The following HYKK variants were observed in gnomAD, a reference collection of about 807,000 sequenced individuals.
HYKK encodes the protein 5-hydroxy-L-lysine kinase.
Under a neutral mutation model 29.7 loss-of-function variants are expected in HYKK, and 19 were observed. That is an observed-to-expected ratio of 0.64 (90% CI 0.45 to 0.94). The LOEUF (loss-of-function observed/expected upper bound fraction) is 0.94, where lower values mean the gene tolerates loss of function less well. HYKK is among the 40% of genes least tolerant of loss of function. The probability of loss-of-function intolerance (pLI) is 0.00; values close to 1 mark genes in which losing one functional copy is unlikely to be tolerated. For missense variants in HYKK, 390 were observed against 443.4 expected, an observed-to-expected ratio of 0.88 and a Z score of 1.08; for synonymous variants, 152 against 158.1, an observed-to-expected ratio of 0.96 and a Z score of 0.29.
rs185517849 is a variant in HYKK at position 78,523,029 on chromosome 15, G to C, written c.478-4351G>C. 5.9e-5 allele frequency among the ~76,000 whole-genome samples: 9 copies of C among 152,296 alleles called. No individual in the cohort carries two copies. The South Asian group carries it at 1.7e-3, about 28-fold the overall frequency. On this transcript the variant is annotated intron_variant, in intron 3 of 4. Coordinates refer to ENST00000388988, the MANE Select transcript of HYKK (RefSeq NM_001013619.4). ...GCATGGATACTATTAGAGAGGCAGA[G>C]GCAGATTTTAACTGCACAAAAGGAA...
chr15:78,535,645 A>C lies in HYKK; in HGVS notation c.*1975A>C, dbSNP rs1454136084. On this transcript the variant is annotated 3_prime_UTR_variant, in exon 5 of 5. Transcript: ENST00000388988. The stretch of plus-strand genomic sequence containing the variant: ...TTGCTTGCCTCTCTTATATTCAGTG[A>C]GCCCTACTGGTTTTTAGAATTGTAG... 2 of 152,100 alleles carry C rather than the reference A, an allele frequency of 1.3e-5. No individual in the cohort carries two copies. The highest frequency in any genetic ancestry group is 4.8e-5 in the African/African-American group (2 of 41,420). The allele number at this position is 152,100 out of a possible 1,614,324, so 9.4% of individuals were successfully genotyped here. A position where few individuals can be genotyped will look rare whatever the true frequency, so the allele number is the denominator to read the frequency against.
intron 1 of HYKK, 25 bp from the exon 2 acceptor site, chr15:78,513,059 T>G (rs1372183687): frequency 1.0e-5 from 13 of 1,254,064 alleles, no homozygotes; most frequent in Non-Finnish European, 1.4e-5. Flanking sequence ...GTCCCCTTTC[T>G]GTTTGTTGCT....
intron 4 of HYKK, among the ~76,000 whole-genome samples, chr15:78,532,987 C>A (rs2052326379): frequency 6.6e-6 from 1 of 152,148 alleles, no homozygotes; most frequent in Admixed American, 6.6e-5. Flanking sequence ...CTGCAGTCTC[C>A]AGCTTCTGGC....
chr15:78,510,345 G>A (rs767425509), intron 1 of HYKK, among the ~76,000 whole-genome samples: 1 of 150,626 alleles, frequency 6.6e-6, no homozygotes, highest in African/African-American at 2.5e-5. Context: ...CACCATGCCC[G>A]GCTAATTTTT....
chr15:78,524,651 A>G (rs975618761), intron 3 of HYKK, among the ~76,000 whole-genome samples: 8 of 152,214 alleles, frequency 5.3e-5, no homozygotes, highest in African/African-American at 1.4e-4. Context: ...TCTATTAAAA[A>G]CACAAAAATT....
intron 4 of HYKK, among the ~76,000 whole-genome samples, chr15:78,531,359 A>C (rs977132915): frequency 7.9e-5 from 12 of 152,204 alleles, no homozygotes; most frequent in Non-Finnish European, 1.8e-4. Context: ...TTATATGCCC[A>C]TTAGGTCAAG....
chr15:78,515,889 A>C (rs917738684), intron 3 of HYKK, among the ~76,000 whole-genome samples: 8 of 152,308 alleles, frequency 5.3e-5, no homozygotes, highest in African/African-American at 1.9e-4. Flanking sequence ...TGGCCAGCCC[A>C]AAAATTTTTT....
intron 1 of HYKK, among the ~76,000 whole-genome samples, chr15:78,508,870 CCT>C (rs1491438951): frequency 4.7e-5 from 3 of 63,224 alleles, no homozygotes; most frequent in East Asian, 3.5e-4. Flanking sequence ...ATAGTGGGAC[CCT>C]CTCTCTCCAA....
chr15:78,537,239 G>GT (rs1021932446), downstream of HYKK: 32 of 527,156 alleles, frequency 6.1e-5, no homozygotes, highest in Middle Eastern at 1.1e-3. Context: ...CATTGATTCG[G>GT]TTTCTCTGGA....
Position 78,533,746 on chromosome 15 carries a change from A to C in HYKK, c.*76A>C, listed in dbSNP as rs2052335866. 1.0e-6 allele frequency: 1 copy of C among 994,232 alleles called. No homozygotes were observed. The highest frequency in any genetic ancestry group is 1.5e-6 in the Non-Finnish European group (1 of 656,554). The allele number at this position is 994,232 out of a possible 1,614,324, so 61.6% of individuals were successfully genotyped here. On this transcript the variant is annotated 3_prime_UTR_variant, in exon 5 of 5. Transcript: ENST00000388988. ...AGGACCCAGTCAAATTTTAGGAAGG[A>C]TTTTCCTGCATAGTTAAAAATCAAC...
chr15:78,508,090 C>T (rs2070265860), intron 1 of HYKK, among the ~76,000 whole-genome samples: 1 of 152,182 alleles, frequency 6.6e-6, no homozygotes, highest in Non-Finnish European at 1.5e-5. Flanking sequence ...CTGCAGCCCG[C>T]TCACCCACCA....
intron 1 of HYKK, among the ~76,000 whole-genome samples, chr15:78,512,289 C>T (rs758955244): frequency 1.3e-5 from 2 of 151,742 alleles, no homozygotes; most frequent in Non-Finnish European, 2.9e-5. Flanking sequence ...TAAAAGATCA[C>T]TGTATTTGAA....
At chr15:78,530,515 A>G (rs1215767320) in intron 4 of HYKK, among the ~76,000 whole-genome samples, 1 of 152,228 alleles carries the variant, frequency 6.6e-6, no homozygotes, top group African/African-American at 2.4e-5. Context: ...GCTGTCCAGT[A>G]GGATTTTCTT....
chr15:78,519,623 G>C lies in HYKK; in HGVS notation c.477+4516G>C, dbSNP rs192122067. On this transcript the variant is annotated intron_variant, in intron 3 of 4. Transcript: ENST00000388988. ...AAAAATACAAAAATTATCTGGGCTT[G>C]GTGGCAGGTGCCTGTAGTCCCAGCT... Among the ~76,000 whole-genome samples, 241 of 152,234 alleles carry C rather than the reference G, an allele frequency of 1.6e-3. 1 individual carries two copies. Among genetic ancestry groups the C allele is most frequent in the African/African-American group, 5.5e-3 (228 of 41,528 alleles).
chr15:78,533,283 A>T lies in HYKK; in HGVS notation c.735A>T (p.Glu245Asp). The T allele has an allele frequency of 6.2e-7, 1 of 1,614,060 alleles. No individual in the cohort carries two copies. The highest frequency in any genetic ancestry group is 1.6e-4 in the Middle Eastern group (1 of 6,062). The change falls in exon 5 of 5, where the codon GAA becomes GAT. Residue 245 changes from glutamate to aspartate, a missense_variant. Coordinates refer to ENST00000388988, the MANE Select transcript of HYKK (RefSeq NM_001013619.4). ...ESSKSASGNA[E>D]YQVSGILDFG... ...GCAAGTCAGCCTCTGGAAATGCTGA[A>T]TATCAAGTGTCTGGGATTTTAGACT...
intron 3 of HYKK, among the ~76,000 whole-genome samples, chr15:78,515,950 A>AT (rs2052128994): frequency 6.6e-6 from 1 of 152,164 alleles, no homozygotes. Flanking sequence ...AGATTACCTA[A>AT]ATTTTTAGAA....
Position 78,533,333 on chromosome 15 carries a change from A to G in HYKK, c.785A>G (p.Tyr262Cys), listed in dbSNP as rs1379011099. Residue 262 changes from tyrosine to cysteine, a missense_variant, in exon 5 of 5, where the codon TAT becomes TGT. Tyr to Cys is a radical substitution (Grantham distance 194). Coordinates refer to ENST00000388988, the MANE Select transcript of HYKK (RefSeq NM_001013619.4). Reference protein sequence around the residue: ...LDFGDMSYGYYVFEVAITIMY... With the variant: ...LDFGDMSYGYCVFEVAITIMY... ...TTTGGTGACATGAGCTATGGCTACT[A>G]TGTGTTTGAAGTGGCAATTACCATC... The G allele has an allele frequency of 3.1e-6, 5 of 1,614,044 alleles. No homozygotes were observed. Among genetic ancestry groups the G allele is most frequent in the Non-Finnish European group, 4.2e-6 (5 of 1,179,996 alleles).
intron 4 of HYKK, among the ~76,000 whole-genome samples, chr15:78,531,946 T>G (rs538011764): frequency 2.7e-3 from 201 of 73,596 alleles, no homozygotes; most frequent in Non-Finnish European, 6.9e-3. Flanking sequence ...GCCCACTCAC[T>G]GTTACATTGC....
intron 1 of HYKK, among the ~76,000 whole-genome samples, chr15:78,508,880 CAAAAA>C (rs71148531): frequency 0.013 from 727 of 55,626 alleles, 20 homozygotes; most frequent in African/African-American, 0.052. Context: ...CCTCTCTCTC[CAAAAA>C]AAAAAAAAAA....
Sources: allele counts gnomAD v4.1 joint callset (sites outside exome capture counted in the v4.1 genomes callset), GRCh38; gene constraint gnomAD v4.1.1; transcripts MANE v1.5; gene names NCBI Gene and HGNC (gene_info 2026-07-23, HGNC 2026-07-21).